The following GSK3B variants were observed in gnomAD, a reference collection of about 807,000 sequenced individuals.
GSK3B encodes the protein glycogen synthase kinase 3 beta.
Under a neutral mutation model 56.4 loss-of-function variants are expected in GSK3B, and 15 were observed. That is an observed-to-expected ratio of 0.27 (90% confidence interval 0.18 to 0.41). The LOEUF (loss-of-function observed/expected upper bound fraction) is 0.41. Ranked by LOEUF, GSK3B falls within the 10% of genes least tolerant of loss-of-function variation. The pLI, the probability that GSK3B is intolerant of heterozygous loss-of-function variation, is 1.00. For missense variants in GSK3B, 300 were observed against 513.4 expected (o/e 0.58, Z 4.02); for synonymous variants, 181 against 188.9 (o/e 0.96, Z 0.34).
chr3:119,973,353 G>A (rs757803300), intron 2 of GSK3B, among the ~76,000 whole-genome samples: 2 of 152,102 alleles, frequency 1.3e-5, no homozygotes, highest in Admixed American at 6.5e-5. Flanking sequence ...ATCCCACTAG[G>A]AATATAAATC....
intron 7 of GSK3B, among the ~76,000 whole-genome samples, chr3:119,903,735 G>A (rs1174538383): frequency 2.0e-5 from 3 of 152,010 alleles, no homozygotes; most frequent in East Asian, 1.9e-4. Context: ...ATGACAAATC[G>A]CCACAAAATT....
At chr3:119,952,016 G>GA (rs1029246246) in intron 2 of GSK3B, among the ~76,000 whole-genome samples, 8 of 150,058 alleles carry the variant, frequency 5.3e-5, no homozygotes, top group Non-Finnish European at 1.2e-4. Context: ...AACAAAGAGG[G>GA]AAAAAATACT....
chr3:119,943,932 A>G (rs2057074286), intron 3 of GSK3B, among the ~76,000 whole-genome samples: 1 of 152,154 alleles, frequency 6.6e-6, no homozygotes, highest in African/African-American at 2.4e-5. Flanking sequence ...TGGAGCCTAC[A>G]GTGAAAGGTT....
chr3:119,837,761 A>C (rs920997428), intron 10 of GSK3B, among the ~76,000 whole-genome samples: 1 of 151,738 alleles, frequency 6.6e-6, no homozygotes, highest in Non-Finnish European at 1.5e-5. Context: ...TTGATTAGGA[A>C]AATGATAATG....
intron 4 of GSK3B, among the ~76,000 whole-genome samples, chr3:119,920,135 A>C (rs2056825061): frequency 6.6e-6 from 1 of 152,246 alleles, no homozygotes; most frequent in African/African-American, 2.4e-5. Context: ...AATATTTTAT[A>C]TGAATTTTAA....
chr3:120,064,205 G>C (rs2058261667), intron 1 of GSK3B, among the ~76,000 whole-genome samples: 2 of 151,396 alleles, frequency 1.3e-5, no homozygotes, highest in Admixed American at 1.3e-4. Flanking sequence ...AGCTAAGAAA[G>C]AGAGAAAACC....
intron 1 of GSK3B, among the ~76,000 whole-genome samples, chr3:120,070,485 A>C (rs1210455957): frequency 6.6e-6 from 1 of 152,098 alleles, no homozygotes; most frequent in Non-Finnish European, 1.5e-5. Context: ...TAAAAAGTTA[A>C]TATCTTACCT....
chr3:120,045,341 A>G (rs1271364726), intron 1 of GSK3B, among the ~76,000 whole-genome samples: 1 of 152,068 alleles, frequency 6.6e-6, no homozygotes, highest in Non-Finnish European at 1.5e-5. Context: ...CCTTGCCTCT[A>G]GTTACTGTAA....
intron 2 of GSK3B, among the ~76,000 whole-genome samples, chr3:119,997,661 A>AT (rs1307219284): frequency 6.6e-6 from 1 of 152,172 alleles, no homozygotes; most frequent in African/African-American, 2.4e-5. Context: ...TGATACACAG[A>AT]TTTTTTTAAG....
chr3:120,069,665 GAA>G (rs5852231), intron 1 of GSK3B, among the ~76,000 whole-genome samples: 1 of 140,864 alleles, frequency 7.1e-6, no homozygotes. Context: ...ACAGTTTTTG[GAA>G]AAAAAAAAAA....
chr3:119,953,159 T>C (rs1359121714), intron 2 of GSK3B, among the ~76,000 whole-genome samples: 2 of 152,192 alleles, frequency 1.3e-5, no homozygotes, highest in Non-Finnish European at 2.9e-5. Context: ...AATTGGAATG[T>C]AAACTGTAAT....
intron 10 of GSK3B, chr3:119,832,835 G>C (rs994445360): frequency 4.7e-6 from 1 of 212,610 alleles, no homozygotes; most frequent in Non-Finnish European, 8.1e-6. Flanking sequence ...TTAAGTATCA[G>C]GTTCCCAAAA....
chr3:119,907,019 T>C (rs917796802), intron 6 of GSK3B, among the ~76,000 whole-genome samples: 2 of 152,252 alleles, frequency 1.3e-5, no homozygotes, highest in Admixed American at 1.3e-4. Flanking sequence ...CCAAGAGTCC[T>C]ATTTAATATA....
chr3:119,887,720 T>C (rs1219999926), intron 7 of GSK3B, among the ~76,000 whole-genome samples: 1 of 152,048 alleles, frequency 6.6e-6, no homozygotes, highest in Non-Finnish European at 1.5e-5. Flanking sequence ...TTACCCAAAT[T>C]TTATAAAAAC....
rs2056245095 is a variant in GSK3B at position 119,871,089 on chromosome 3, GA to G, written c.909+5323del. ...GAAAATTCTATTGAATGGCTCAGGG[GA>G]AAAACTGTAGCATTATGGACAAAGT... On this transcript the variant is annotated intron_variant, in intron 8 of 10. Transcript: ENST00000264235. Among the ~76,000 whole-genome samples, 6 of 152,326 alleles carry G rather than the reference GA, an allele frequency of 3.9e-5. No individual in the cohort carries two copies. The South Asian group carries it at 1.2e-3, about 32-fold the overall frequency.
intron 1 of GSK3B, among the ~76,000 whole-genome samples, chr3:120,009,621 A>G (rs367990179): frequency 3.9e-5 from 6 of 152,058 alleles, no homozygotes; most frequent in African/African-American, 1.4e-4. Context: ...GTTCTCACTC[A>G]TAAGTGGGAG....
chr3:119,914,101 G>C, intron 5 of GSK3B, among the ~76,000 whole-genome samples: 1 of 152,026 alleles, frequency 6.6e-6, no homozygotes, highest in Non-Finnish European at 1.5e-5. Context: ...CTCTCTTACA[G>C]AGGAGACTGG....
chr3:119,918,430 AC>A (rs757583287), intron 4 of GSK3B, among the ~76,000 whole-genome samples: 201 of 152,018 alleles, frequency 1.3e-3, no homozygotes, highest in South Asian at 2.5e-3. Context: ...AGAATGCACC[AC>A]TGCACTCCAG....
At chr3:120,013,042 C>A (rs1209792328) in intron 1 of GSK3B, among the ~76,000 whole-genome samples, 1 of 152,126 alleles carries the variant, frequency 6.6e-6, no homozygotes, top group Non-Finnish European at 1.5e-5. Flanking sequence ...CAAAATAATA[C>A]ACACAGCCTA....
Sources: allele counts gnomAD v4.1 joint callset (sites outside exome capture counted in the v4.1 genomes callset), GRCh38; gene constraint gnomAD v4.1.1; transcripts MANE v1.5; gene names NCBI Gene and HGNC (gene_info 2026-07-23, HGNC 2026-07-21).